Variants in USP28 observed in about 807,000 individuals in gnomAD.
The protein encoded by USP28 is ubiquitin carboxyl-terminal hydrolase 28.
In USP28, 113 loss-of-function variants were observed where a neutral mutation model predicts 145.0. The observed-to-expected ratio is 0.78, with a 90% CI of 0.67 to 0.91. The LOEUF (loss-of-function observed/expected upper bound fraction) is 0.91, where lower values mean the gene tolerates loss of function less well. Ranked by LOEUF, USP28 falls within the 40% of genes least tolerant of loss-of-function variation. The probability of loss-of-function intolerance (pLI) is 0.00; values close to 1 mark genes in which losing one functional copy is unlikely to be tolerated. For missense variants in USP28, 1,201 were observed against 1,289.6 expected (o/e 0.93, Z 1.05); for synonymous variants, 447 against 450.9 (o/e 0.99, Z 0.11).
chr11:113,858,902 C>T (rs1028457084), intron 1 of USP28, among the ~76,000 whole-genome samples: 3 of 152,194 alleles, frequency 2.0e-5, no homozygotes, highest in Non-Finnish European at 4.4e-5. Context: ...AGCCACCGGG[C>T]CAGGCCTGTT....
intron 24 of USP28, among the ~76,000 whole-genome samples, chr11:113,801,045 G>T (rs1378783454): frequency 2.0e-5 from 3 of 152,174 alleles, no homozygotes; most frequent in Non-Finnish European, 4.4e-5. Flanking sequence ...GTTTCGCCTT[G>T]TTGGCCAGAC....
chr11:113,812,249 C>A (rs775972366), intron 16 of USP28, 27 bp downstream of exon 16: 2 of 1,589,756 alleles, frequency 1.3e-6, no homozygotes, highest in South Asian at 2.2e-5. Context: ...TTTCCCCAAT[C>A]TATAGATTCT....
At chr11:113,809,587 G>A (rs1020080526) in intron 16 of USP28, among the ~76,000 whole-genome samples, 6 of 152,214 alleles carry the variant, frequency 3.9e-5, no homozygotes, top group East Asian at 1.9e-4. Flanking sequence ...ATAAAGTTTT[G>A]TGGATTTTGG....
At position 113,874,685 on chromosome 11, in the gene USP28, T is replaced by C. The variant is rs1350484431; in HGVS notation, c.57+760A>G. The C allele has an allele frequency of 1.4e-5, 17 of 1,224,486 alleles. 1 individual carries two copies. The highest frequency in any genetic ancestry group is 1.7e-5 in the Non-Finnish European group (16 of 958,484). The allele number at this position is 1,224,486 out of a possible 1,614,324, so 75.9% of individuals were successfully genotyped here. A position where few individuals can be genotyped will look rare whatever the true frequency, so the allele number is the denominator to read the frequency against. ...CATTCCGAAGTAACACTAGAAGACA[T>C]GCTCAAATTGCCCTCTTCCCAAGTT... is the stretch of plus-strand genomic sequence containing the variant. On this transcript the variant is annotated intron_variant, in intron 1 of 24. Transcript: ENST00000003302.
At chr11:113,872,623 G>A (rs922817697) in intron 1 of USP28, among the ~76,000 whole-genome samples, 2 of 152,064 alleles carry the variant, frequency 1.3e-5, no homozygotes. Flanking sequence ...TCAAGAGAAA[G>A]CAAAAAGGGC....
chr11:113,799,032 C>T (rs1326656754), exon 25 of USP28: 5 of 514,170 alleles, frequency 9.7e-6, no homozygotes, highest in South Asian at 8.3e-5. Flanking sequence ...TGCTTTCTGC[C>T]TTTTCTAGTG....
chr11:113,809,099 T>C, exon 17 of USP28: 1 of 1,614,208 alleles, frequency 6.2e-7, no homozygotes, highest in South Asian at 1.1e-5. Flanking sequence ...GAGGAGTTGG[T>C]GGAGGACTCC....
chr11:113,821,298 C>T (rs1942563404), intron 12 of USP28: 4 of 225,002 alleles, frequency 1.8e-5, no homozygotes. Context: ...TCCGCTGTAG[C>T]TGACAGTGCT....
At chr11:113,840,465 C>A (rs1293358079) in intron 5 of USP28, 133 bp downstream of exon 5, 2 of 1,174,492 alleles carry the variant, frequency 1.7e-6, no homozygotes, top group South Asian at 3.3e-5. Flanking sequence ...AATCCATACA[C>A]AATAATGCCA....
At chr11:113,812,186 T>C (rs1369337420) in intron 16 of USP28, 90 bp downstream of exon 16, 13 of 846,224 alleles carry the variant, frequency 1.5e-5, no homozygotes, top group Non-Finnish European at 2.3e-5. Flanking sequence ...TAGTAAGTTG[T>C]AAATTTTTTA....
chr11:113,799,339 C>G (rs1178497789), exon 25 of USP28: 1 of 1,614,184 alleles, frequency 6.2e-7, no homozygotes, highest in Non-Finnish European at 8.5e-7. Flanking sequence ...TAGTTGGAGG[C>G]TCTTTCAAGA....
In USP28 at chr11:113,799,431, A is replaced by G; in HGVS notation, c.3059-16T>C. The G allele has an allele frequency of 6.2e-7, 1 of 1,609,240 alleles. No homozygotes were observed. The highest frequency in any genetic ancestry group is 8.5e-7 in the Non-Finnish European group (1 of 1,178,616). The stretch of plus-strand genomic sequence containing the variant: ...TGCAGATTTTCTGTGGAGGGAAAAC[A>G]GATGGTTACATATACAGCTAAACAG... On this transcript the variant is annotated splice_polypyrimidine_tract_variant and intron_variant, in intron 24 of 24. Transcript: ENST00000003302.
exon 25 of USP28, chr11:113,798,077 T>TG (rs1565301648): frequency 6.9e-6 from 1 of 144,900 alleles, no homozygotes; most frequent in African/African-American, 2.6e-5. Flanking sequence ...TTTTTTTTTT[T>TG]TTTTTTTTTT....
chr11:113,841,024 T>G (rs900841946), intron 4 of USP28, among the ~76,000 whole-genome samples: 2 of 152,212 alleles, frequency 1.3e-5, no homozygotes, highest in South Asian at 4.1e-4. Flanking sequence ...TATTTAAGGC[T>G]ACCATATTAG....
At chr11:113,856,193 T>G (rs1947032433) in intron 1 of USP28, among the ~76,000 whole-genome samples, 1 of 152,224 alleles carries the variant, frequency 6.6e-6, no homozygotes, top group South Asian at 2.1e-4. Context: ...CCATTTGATT[T>G]TACTGTATAA....
At chr11:113,865,776 T>C (rs1036210561) in intron 1 of USP28, among the ~76,000 whole-genome samples, 1 of 152,210 alleles carries the variant, frequency 6.6e-6, no homozygotes, top group African/African-American at 2.4e-5. Context: ...GACCTTGGAT[T>C]TGTCAATGGA....
intron 12 of USP28, chr11:113,818,131 G>T: frequency 3.8e-6 from 1 of 265,170 alleles, no homozygotes; most frequent in Non-Finnish European, 7.0e-6. Flanking sequence ...TTAGGCTTTG[G>T]TCATTTATTT....
At chr11:113,828,781 A>C (rs1299703590) in intron 10 of USP28, 1 of 329,408 alleles carries the variant, frequency 3.0e-6, no homozygotes, top group African/African-American at 2.2e-5. Flanking sequence ...TTAAAAGCAA[A>C]GGCAGAATTT....
intron 1 of USP28, chr11:113,874,889 T>A: frequency 1.0e-6 from 1 of 1,004,044 alleles, no homozygotes; most frequent in Non-Finnish European, 1.2e-6. Flanking sequence ...TCTAGAGCGA[T>A]GAAGGCAATA....
Sources: gnomAD v4.1 joint callset for allele counts (sites outside exome capture counted in the v4.1 genomes callset) on GRCh38, gnomAD v4.1.1 for gene constraint, MANE v1.5 for transcripts, NCBI Gene and HGNC (gene_info 2026-07-23, HGNC 2026-07-21) for gene names.